ANXA8: variants seen among roughly 807,000 people sequenced by gnomAD.
ANXA8 encodes annexin A8.
Under a neutral mutation model 26.8 loss-of-function variants are expected in ANXA8, and 9 were observed. The ratio of observed to expected loss-of-function variants is 0.34; its 90% CI spans 0.20 to 0.59. The LOEUF (loss-of-function observed/expected upper bound fraction) is 0.59, where lower values mean the gene tolerates loss of function less well. Ranked by LOEUF, ANXA8 falls within the 20% of genes least tolerant of loss-of-function variation. The pLI is 0.84. For synonymous variants in ANXA8, 39 were observed against 94.8 expected (o/e 0.41, Z 3.42); for missense variants, 83 against 238.5 (o/e 0.35, Z 4.29).
chr10:47,728,760 CT>C, the ANXA8 span, among the ~76,000 whole-genome samples: 64 of 116,728 alleles, frequency 5.5e-4, no homozygotes, highest in African/African-American at 1.7e-3. Flanking sequence ...GTTATCTCTT[CT>C]TTTTTTTTTT....
chr10:47,909,969 CT>C, the ANXA8 span, among the ~76,000 whole-genome samples: 1 of 51,694 alleles, frequency 1.9e-5, no homozygotes, highest in African/African-American at 9.2e-5. Context: ...CATTTGTGCC[CT>C]TTTTTATAAC....
chr10:47,662,414 T>C, the ANXA8 span, among the ~76,000 whole-genome samples: 2 of 150,752 alleles, frequency 1.3e-5, no homozygotes, highest in African/African-American at 4.9e-5. Flanking sequence ...GTTCTCACGA[T>C]CTCCTTACTC....
the ANXA8 span, among the ~76,000 whole-genome samples, chr10:47,738,688 C>T: frequency 7.2e-5 from 11 of 152,130 alleles, no homozygotes; most frequent in Admixed American, 5.2e-4. Context: ...GCTATCCTCC[C>T]ACCTCAGCCT....
chr10:47,535,255 G>T, the ANXA8 span, among the ~76,000 whole-genome samples: 1 of 132,176 alleles, frequency 7.6e-6, no homozygotes, highest in East Asian at 2.7e-4. Flanking sequence ...ATTACAGGCG[G>T]GAGCCACCAC....
At chr10:47,627,317 C>T in the ANXA8 span, among the ~76,000 whole-genome samples, 1 of 150,132 alleles carries the variant, frequency 6.7e-6, no homozygotes, top group South Asian at 2.1e-4. Flanking sequence ...GCTACTTAGT[C>T]TTTCTGGCAT....
chr10:47,676,019 G>A, the ANXA8 span, among the ~76,000 whole-genome samples: 21 of 151,228 alleles, frequency 1.4e-4, no homozygotes, highest in Non-Finnish European at 1.8e-4. Flanking sequence ...GGGAAGGGAG[G>A]GGAGGGAAGG....
At chr10:47,647,293 T>C in the ANXA8 span, among the ~76,000 whole-genome samples, 1 of 151,916 alleles carries the variant, frequency 6.6e-6, no homozygotes, top group Admixed American at 6.6e-5. Flanking sequence ...TTTTATACTT[T>C]TTTTTGTTTA....
chr10:47,953,887 A>G, the ANXA8 span, among the ~76,000 whole-genome samples: 1 of 150,270 alleles, frequency 6.7e-6, no homozygotes, highest in Non-Finnish European at 1.5e-5. Context: ...AAGAAAGGCA[A>G]TAACAAATGT....
At chr10:47,547,344 G>A in the ANXA8 span, among the ~76,000 whole-genome samples, 4 of 142,090 alleles carry the variant, frequency 2.8e-5, no homozygotes, top group African/African-American at 1.0e-4. Flanking sequence ...CATGAAAAAA[G>A]CAAAGCATAG....
At chr10:47,943,640 G>A in the ANXA8 span, among the ~76,000 whole-genome samples, 1 of 151,544 alleles carries the variant, frequency 6.6e-6, no homozygotes, top group East Asian at 2.0e-4. Context: ...GGGTGTCCTG[G>A]TAGGAGGGCT....
the ANXA8 span, among the ~76,000 whole-genome samples, chr10:47,778,019 C>T: frequency 1.2e-4 from 18 of 151,702 alleles, no homozygotes; most frequent in South Asian, 4.2e-4. Context: ...TGTACCAGCC[C>T]GACTCATGGT....
chr10:47,680,164 C>T, the ANXA8 span, among the ~76,000 whole-genome samples: 2 of 151,458 alleles, frequency 1.3e-5, no homozygotes, highest in African/African-American at 4.9e-5. Context: ...TTTAGTCCAT[C>T]ACGTTAGCCA....
chr10:47,636,488 T>TC, the ANXA8 span, among the ~76,000 whole-genome samples: 1 of 145,428 alleles, frequency 6.9e-6, no homozygotes, highest in Non-Finnish European at 1.5e-5. Context: ...TTGCTGTTGT[T>TC]CCTGTTTAGT....
At chr10:47,721,269 A>G in the ANXA8 span, among the ~76,000 whole-genome samples, 1 of 142,332 alleles carries the variant, frequency 7.0e-6, no homozygotes, top group Non-Finnish European at 1.5e-5. Context: ...TATTCAATAT[A>G]AGCATTTATT....
chr10:47,666,732 G>T, the ANXA8 span, among the ~76,000 whole-genome samples: 2 of 151,898 alleles, frequency 1.3e-5, no homozygotes, highest in Admixed American at 6.5e-5. Context: ...CCCCTCAAAT[G>T]TTATACAGTT....
At chr10:47,470,014 G>A (rs1839276446) in intron 11 of ANXA8, among the ~76,000 whole-genome samples, 2 of 151,570 alleles carry the variant, frequency 1.3e-5, no homozygotes, top group African/African-American at 4.9e-5. Context: ...AAAGCACTGG[G>A]ATTACGGGTG....
At chr10:47,724,454 C>G in the ANXA8 span, among the ~76,000 whole-genome samples, 3 of 141,492 alleles carry the variant, frequency 2.1e-5, 1 homozygote, top group Admixed American at 1.4e-4. Flanking sequence ...GCCACGTGGC[C>G]TTCTTTCAGT....
the ANXA8 span, among the ~76,000 whole-genome samples, chr10:47,650,465 G>A: frequency 6.6e-6 from 1 of 151,836 alleles, no homozygotes; most frequent in African/African-American, 2.4e-5. Flanking sequence ...TTTAGAATAT[G>A]TAAAGAACTA....
the ANXA8 span, among the ~76,000 whole-genome samples, chr10:47,657,621 C>A: frequency 6.6e-6 from 1 of 150,912 alleles, no homozygotes; most frequent in Non-Finnish European, 1.5e-5. Context: ...ATGGAAAGTT[C>A]TCAATGTTAA....
Sources: gnomAD v4.1 joint callset for allele counts (sites outside exome capture counted in the v4.1 genomes callset) on GRCh38, gnomAD v4.1.1 for gene constraint, MANE v1.5 for transcripts, NCBI Gene and HGNC (gene_info 2026-07-23, HGNC 2026-07-21) for gene names.